The following TAS2R1 variants were observed in gnomAD, a reference collection of about 807,000 sequenced individuals.
The protein encoded by TAS2R1 is taste 2 receptor member 1.
For synonymous variants in TAS2R1, 141 were observed against 134.2 expected (o/e 1.05, Z -0.35); for missense variants, 370 against 353.4 (o/e 1.05, Z -0.38).
At chr5:9,736,990 T>C in the TAS2R1 span, among the ~76,000 whole-genome samples, 6,951 of 152,280 alleles carry the variant, frequency 0.046, 161 homozygotes, top group Non-Finnish European at 0.052. Flanking sequence ...CTCTTCCCAT[T>C]CATATATTTT....
At chr5:9,737,729 TA>T in the TAS2R1 span, among the ~76,000 whole-genome samples, 1 of 152,216 alleles carries the variant, frequency 6.6e-6, no homozygotes, top group African/African-American at 2.4e-5. Flanking sequence ...CACATCAATT[TA>T]ACCAGAGTCA....
At chr5:9,896,382 A>AT in the TAS2R1 span, among the ~76,000 whole-genome samples, 1 of 152,126 alleles carries the variant, frequency 6.6e-6, no homozygotes, top group Admixed American at 6.5e-5. Context: ...GCCACCTTTC[A>AT]TTTTTTGGAG....
At chr5:9,634,732 T>C (rs1239951045), upstream of TAS2R1, among the ~76,000 whole-genome samples, 6 of 152,102 alleles carry the variant, frequency 3.9e-5, no homozygotes, top group Non-Finnish European at 7.4e-5. Context: ...GAGTTCTTGA[T>C]TTGTTTCTCA....
chr5:9,641,483 T>C (rs1246416199), intron 2 of TAS2R1: 1 of 152,166 alleles, frequency 6.6e-6, no homozygotes, highest in Non-Finnish European at 1.5e-5. Flanking sequence ...TTCCTCACTC[T>C]CTTGAGACTC....
At chr5:9,779,701 A>G in the TAS2R1 span, among the ~76,000 whole-genome samples, 1 of 152,248 alleles carries the variant, frequency 6.6e-6, no homozygotes, top group African/African-American at 2.4e-5. Flanking sequence ...CTCACTGATC[A>G]CAGATCATCA....
chr5:9,751,737 C>A, the TAS2R1 span, among the ~76,000 whole-genome samples: 1 of 152,138 alleles, frequency 6.6e-6, no homozygotes, highest in Admixed American at 6.6e-5. Context: ...ATTTAAATAA[C>A]CAGTAATTGT....
rs765590491 is a variant in TAS2R1 at position 9,629,725 on chromosome 5, T to C, written c.308A>G (p.Tyr103Cys). The stretch of plus-strand genomic sequence containing the variant: ...ACGGACGCTGGCAACCTTGGCACAA[T>C]AGAAAACGCCGAGCCATGTGGCAAG... ...LWLATWLGVFYCAKVASVRHP... is the reference protein window; with the variant it reads ...LWLATWLGVFCCAKVASVRHP... Residue 103 changes from tyrosine (Y) to cysteine (C), a missense_variant, in exon 1 of 1, where the codon TAT becomes TGT. By Grantham distance (194) the Tyr-to-Cys change is radical (BLOSUM62 -2). Coordinates refer to ENST00000382492, the MANE Select transcript of TAS2R1 (RefSeq NM_019599.3). 3 of 1,614,036 alleles carry C rather than the reference T, an allele frequency of 1.9e-6. No homozygotes were observed. Among genetic ancestry groups the C allele is most frequent in the Non-Finnish European group, 8.5e-7 (1 of 1,179,978 alleles).
the TAS2R1 span, among the ~76,000 whole-genome samples, chr5:9,721,662 TATTGA>T: frequency 9.9e-5 from 15 of 152,248 alleles, no homozygotes; most frequent in Admixed American, 9.8e-4. Flanking sequence ...CTGCAAGTGA[TATTGA>T]ATATTGCAAA....
the TAS2R1 span, among the ~76,000 whole-genome samples, chr5:9,845,158 A>C: frequency 6.6e-6 from 1 of 152,122 alleles, no homozygotes; most frequent in Non-Finnish European, 1.5e-5. Context: ...TGGAGCCCTC[A>C]TGATGGGTTT....
At chr5:9,728,957 G>A in the TAS2R1 span, among the ~76,000 whole-genome samples, 13 of 152,310 alleles carry the variant, frequency 8.5e-5, no homozygotes, top group African/African-American at 2.4e-4. Context: ...GTTGGTCAGC[G>A]TCTGCTGAGG....
the TAS2R1 span, among the ~76,000 whole-genome samples, chr5:9,717,715 A>G: frequency 6.6e-6 from 1 of 152,222 alleles, no homozygotes; most frequent in Non-Finnish European, 1.5e-5. Flanking sequence ...ATTTGGAAAA[A>G]CATAAAAGTA....
At chr5:9,805,262 C>A in the TAS2R1 span, among the ~76,000 whole-genome samples, 1 of 151,754 alleles carries the variant, frequency 6.6e-6, no homozygotes, top group Non-Finnish European at 1.5e-5. Flanking sequence ...AAAAAATTAT[C>A]AAAAATAAAA....
chr5:9,857,657 T>C, the TAS2R1 span, among the ~76,000 whole-genome samples: 1 of 152,232 alleles, frequency 6.6e-6, no homozygotes, highest in Admixed American at 6.5e-5. Context: ...CCATGTCTTT[T>C]GGGTCAGCTA....
chr5:9,864,815 C>T, the TAS2R1 span, among the ~76,000 whole-genome samples: 1 of 151,996 alleles, frequency 6.6e-6, no homozygotes, highest in African/African-American at 2.4e-5. Context: ...TGACAGGGTA[C>T]AGCTAGAGAA....
the TAS2R1 span, among the ~76,000 whole-genome samples, chr5:9,820,607 A>G: frequency 1.1e-4 from 17 of 152,264 alleles, no homozygotes; most frequent in African/African-American, 3.9e-4. Context: ...AAACACTCAC[A>G]GCACTGAAAA....
the TAS2R1 span, among the ~76,000 whole-genome samples, chr5:9,855,859 T>G: frequency 9.9e-5 from 15 of 152,236 alleles, no homozygotes; most frequent in Non-Finnish European, 1.5e-4. Context: ...TTGGTTTTTG[T>G]TTTTTGCTTT....
the TAS2R1 span, among the ~76,000 whole-genome samples, chr5:9,807,935 TAA>T: frequency 1.1e-4 from 16 of 151,388 alleles, no homozygotes; most frequent in South Asian, 4.2e-4. Context: ...TATTAGAACA[TAA>T]AAAAAAAAGT....
At chr5:9,835,041 C>A in the TAS2R1 span, among the ~76,000 whole-genome samples, 2 of 152,174 alleles carry the variant, frequency 1.3e-5, no homozygotes, top group Non-Finnish European at 2.9e-5. Context: ...TGTCTGCCGA[C>A]CCCTAGGGGC....
At chr5:9,814,018 A>C in the TAS2R1 span, among the ~76,000 whole-genome samples, 1 of 152,204 alleles carries the variant, frequency 6.6e-6, no homozygotes, top group Non-Finnish European at 1.5e-5. Flanking sequence ...TCCAGAATAC[A>C]AATCTGACAC....
Sources: gnomAD v4.1 joint callset for allele counts (sites outside exome capture counted in the v4.1 genomes callset) on GRCh38, gnomAD v4.1.1 for gene constraint, MANE v1.5 for transcripts, NCBI Gene and HGNC (gene_info 2026-07-23, HGNC 2026-07-21) for gene names.